RBFOX1: variants seen among roughly 807,000 people sequenced by gnomAD.
RBFOX1 encodes the protein RNA binding fox-1 homolog 1.
In RBFOX1, 8 loss-of-function variants were observed where a neutral mutation model predicts 57.7. That is an observed-to-expected ratio of 0.14 (90% CI 0.08 to 0.25). The LOEUF is 0.25. Among genes scored for constraint, RBFOX1 ranks in the 10% least tolerant of loss-of-function variants. The pLI, the probability that RBFOX1 is intolerant of heterozygous loss-of-function variation, is 1.00. For synonymous variants in RBFOX1, 326 were observed against 222.4 expected (o/e 1.47, Z -4.15); for missense variants, 611 against 548.5 (o/e 1.11, Z -1.14).
intron 3 of RBFOX1, among the ~76,000 whole-genome samples, chr16:6,748,068 T>C (rs1282506942): frequency 6.6e-6 from 1 of 152,214 alleles, no homozygotes; most frequent in African/African-American, 2.4e-5. Flanking sequence ...ATTTTCCTGA[T>C]ACTTTTTTTG....
At chr16:6,931,402 T>C (rs575945187) in intron 3 of RBFOX1, among the ~76,000 whole-genome samples, 7 of 152,218 alleles carry the variant, frequency 4.6e-5, no homozygotes, top group East Asian at 3.9e-4. Flanking sequence ...TGTATGTTTA[T>C]GTGTGCATGA....
chr16:6,703,993 T>G (rs2062278444), intron 3 of RBFOX1: 1 of 152,420 alleles, frequency 6.6e-6, no homozygotes, highest in Admixed American at 6.5e-5. Context: ...TTTAACCCTC[T>G]CTGTGTCTCT....
chr16:7,262,510 T>G (rs981405682), intron 4 of RBFOX1, among the ~76,000 whole-genome samples: 1 of 152,276 alleles, frequency 6.6e-6, no homozygotes, highest in African/African-American at 2.4e-5. Flanking sequence ...TTATTCCTAC[T>G]GCAATGAGCC....
intron 4 of RBFOX1, among the ~76,000 whole-genome samples, chr16:5,871,764 G>C (rs2151904324): frequency 6.6e-6 from 1 of 152,280 alleles, no homozygotes; most frequent in Non-Finnish European, 1.5e-5. Flanking sequence ...TTACCAGTTG[G>C]TTTCTTGCCT....
intron 2 of RBFOX1, among the ~76,000 whole-genome samples, chr16:6,472,459 C>A (rs2095198660): frequency 6.6e-6 from 1 of 152,114 alleles, no homozygotes; most frequent in South Asian, 2.1e-4. Context: ...CAAATCCAGT[C>A]ATTGCTATTG....
At chr16:7,358,501 AC>A (rs1056341619) in intron 4 of RBFOX1, among the ~76,000 whole-genome samples, 1 of 151,920 alleles carries the variant, frequency 6.6e-6, no homozygotes, top group Non-Finnish European at 1.5e-5. Flanking sequence ...GCTCACTGCA[AC>A]CTCCACCTCC....
chr16:7,235,460 T>C (rs2093720011), intron 4 of RBFOX1, among the ~76,000 whole-genome samples: 1 of 152,218 alleles, frequency 6.6e-6, no homozygotes, highest in Non-Finnish European at 1.5e-5. Context: ...GGGACCTTTG[T>C]TTGTAAGATG....
chr16:7,141,590 C>T (rs1241000197), intron 4 of RBFOX1, among the ~76,000 whole-genome samples: 1 of 152,066 alleles, frequency 6.6e-6, no homozygotes, highest in African/African-American at 2.4e-5. Flanking sequence ...GCTCCCTGTA[C>T]CAGATGAAAG....
At chr16:5,469,628 C>T (rs973556448) in intron 2 of RBFOX1, among the ~76,000 whole-genome samples, 1 of 152,132 alleles carries the variant, frequency 6.6e-6, no homozygotes, top group African/African-American at 2.4e-5. Flanking sequence ...TTTGTCACCC[C>T]CAAAGGAGAC....
At chr16:5,597,991 G>A (rs1392129691) in intron 2 of RBFOX1, among the ~76,000 whole-genome samples, 2 of 152,130 alleles carry the variant, frequency 1.3e-5, no homozygotes, top group Admixed American at 6.5e-5. Flanking sequence ...GATTCAGGGT[G>A]AAAATGCACA....
At chr16:6,497,924 ATAAAT>A (rs1335075407) in intron 2 of RBFOX1, among the ~76,000 whole-genome samples, 1 of 152,060 alleles carries the variant, frequency 6.6e-6, no homozygotes, top group Non-Finnish European at 1.5e-5. Flanking sequence ...ATATTTATAA[ATAAAT>A]TAATCACTGT....
intron 4 of RBFOX1, among the ~76,000 whole-genome samples, chr16:7,242,260 G>C (rs990665470): frequency 6.6e-6 from 1 of 152,144 alleles, no homozygotes; most frequent in Non-Finnish European, 1.5e-5. Context: ...TGAAAATTCA[G>C]AGACAGGGTT....
chr16:5,755,654 A>G (rs2053366668), intron 3 of RBFOX1, among the ~76,000 whole-genome samples: 1 of 152,182 alleles, frequency 6.6e-6, no homozygotes, highest in African/African-American at 2.4e-5. Flanking sequence ...GCTAGAGTAC[A>G]AAGGTGCAAT....
chr16:5,867,260 C>G (rs1012038517), intron 3 of RBFOX1: 20 of 1,151,778 alleles, frequency 1.7e-5, no homozygotes, highest in Non-Finnish European at 2.2e-5. Flanking sequence ...CAATTACCTT[C>G]TTGTTGAATC....
rs765283381 is a variant in RBFOX1 at position 7,607,269 on chromosome 16, G to A, written c.623-16G>A. ...AATCAAATGTGATAATAATGTTTTT[G>A]TGTATTTGTTTTAAGGCTGGAAATT... On this transcript the variant is annotated splice_polypyrimidine_tract_variant and intron_variant, in intron 9 of 15. Transcript: ENST00000550418. 1.2e-6 allele frequency: 2 copies of A among 1,602,546 alleles called. No homozygotes were observed. Among genetic ancestry groups the A allele is most frequent in the African/African-American group, 1.3e-5 (1 of 74,424 alleles).
At position 7,462,921 on chromosome 16, in the gene RBFOX1, C is replaced by T. The variant is rs1290471834; in HGVS notation, c.28-55226C>T. ...GAAAGGCTCATTCCATGAGACTGGG[C>T]CCACCCAGGTAGTTCAGCTCTTCTC... On this transcript the variant is annotated intron_variant, in intron 4 of 15. Coordinates refer to ENST00000550418, the MANE Select transcript of RBFOX1 (RefSeq NM_018723.4). Among the ~76,000 whole-genome samples the T allele has an allele frequency of 4.6e-5, 7 of 152,340 alleles. No homozygotes were observed. The East Asian group carries it at 1.4e-3, about 29-fold the overall frequency.
chr16:7,710,890 T>A lies in RBFOX1; in HGVS notation c.*145T>A, dbSNP rs2083910819. ...TAAAAAGGAAAAAAAATTACATTTT[T>A]TATCTTATACCTCAGATATTTTGTT... On this transcript the variant is annotated 3_prime_UTR_variant, in exon 16 of 16. Transcript: ENST00000550418. 1 of 866,256 alleles carries A rather than the reference T, an allele frequency of 1.2e-6. No individual in the cohort carries two copies. The highest frequency in any genetic ancestry group is 1.6e-6 in the Non-Finnish European group (1 of 635,194). The allele number at this position is 866,256 out of a possible 1,614,324, so 53.7% of individuals were successfully genotyped here. A position where few individuals can be genotyped will look rare whatever the true frequency, so the allele number is the denominator to read the frequency against.
chr16:7,127,370 A>C (rs1484781745), intron 4 of RBFOX1, among the ~76,000 whole-genome samples: 1 of 152,220 alleles, frequency 6.6e-6, no homozygotes, highest in Non-Finnish European at 1.5e-5. Context: ...CATTTTGTAA[A>C]TAATAACTTA....
At chr16:6,336,154 CATATATATATATATAT>C (rs768962177) in intron 2 of RBFOX1, among the ~76,000 whole-genome samples, 2 of 43,218 alleles carry the variant, frequency 4.6e-5, no homozygotes, top group Admixed American at 5.0e-4. Context: ...TATACATATA[CATATATATATATATAT>C]ATATATATAT....
Sources: allele counts gnomAD v4.1 joint callset (sites outside exome capture counted in the v4.1 genomes callset), GRCh38; gene constraint gnomAD v4.1.1; transcripts MANE v1.5; gene names NCBI Gene and HGNC (gene_info 2026-07-23, HGNC 2026-07-21).